Variants in ASIC5 observed in about 807,000 individuals in gnomAD.
ASIC5 encodes acid sensing ion channel subunit family member 5.
A neutral mutation model predicts 51.2 loss-of-function variants in ASIC5; 52 were observed. The ratio of observed to expected loss-of-function variants is 1.02; its 90% CI spans 0.81 to 1.28. The LOEUF (loss-of-function observed/expected upper bound fraction) is 1.28. Among genes scored for constraint, ASIC5 ranks in the 50% most tolerant of loss-of-function variants. ASIC5 has a pLI of 0.00. For synonymous variants in ASIC5, 231 were observed against 200.7 expected (o/e 1.15, Z -1.28); for missense variants, 635 against 595.0 (o/e 1.07, Z -0.70).
At chr4:155,842,740 A>G (rs903209566) in intron 5 of ASIC5, among the ~76,000 whole-genome samples, 1 of 152,152 alleles carries the variant, frequency 6.6e-6, no homozygotes, top group Admixed American at 6.6e-5. Flanking sequence ...GCCAGGCAAC[A>G]TGGTGTTGCA....
intron 2 of ASIC5, among the ~76,000 whole-genome samples, chr4:155,860,005 T>G (rs1002648815): frequency 6.6e-6 from 1 of 152,046 alleles, no homozygotes; most frequent in African/African-American, 2.4e-5. Flanking sequence ...ATTTGGCCCT[T>G]GCTTAAGACT....
At chr4:155,853,022 T>A (rs2111255619) in intron 3 of ASIC5, among the ~76,000 whole-genome samples, 1 of 152,146 alleles carries the variant, frequency 6.6e-6, no homozygotes, top group African/African-American at 2.4e-5. Flanking sequence ...TGGAGTCCGT[T>A]GGTTCAGCAT....
intron 4 of ASIC5, among the ~76,000 whole-genome samples, chr4:155,850,871 C>G (rs923168894): frequency 5.3e-5 from 8 of 151,916 alleles, no homozygotes; most frequent in Admixed American, 1.3e-4. Context: ...TAAGAGTAAA[C>G]TTCTGGTGGC....
At chr4:155,836,171 T>C (rs180775402) in intron 8 of ASIC5, among the ~76,000 whole-genome samples, 4 of 152,306 alleles carry the variant, frequency 2.6e-5, no homozygotes, top group Admixed American at 1.3e-4. Context: ...CGTGGAATCA[T>C]GTATCTGAGT....
chr4:155,863,646 A>G lies in ASIC5; in HGVS notation c.149T>C (p.Ile50Thr). 2 of 1,613,914 alleles carry G rather than the reference A, an allele frequency of 1.2e-6. No homozygotes were observed. Among genetic ancestry groups the G allele is most frequent in the Admixed American group, 1.7e-5 (1 of 59,952 alleles). Residue 50 changes from isoleucine (I) to threonine (T), a missense_variant, in exon 2 of 10, where the codon ATA becomes ACA. Physicochemically the swap from Ile to Thr is moderately conservative, Grantham distance 89 (BLOSUM62 -1). Coordinates refer to ENST00000537611, the MANE Select transcript of ASIC5 (RefSeq NM_017419.3). ...GCTCCGGTTCTGAACAATATTGTGT[A>G]TCCCATGAAAGGAAGTGGAGATGGC... is the stretch of plus-strand genomic sequence containing the variant. Reference protein sequence around the residue: ...DFAISTSFHGIHNIVQNRSKI... With the variant: ...DFAISTSFHGTHNIVQNRSKI...
Position 155,865,710 on chromosome 4 carries a change from G to A in ASIC5, c.40+477C>T, listed in dbSNP as rs1049439209. Among the ~76,000 whole-genome samples, 7 of 151,934 alleles carry A rather than the reference G, an allele frequency of 4.6e-5. No individual in the cohort carries two copies. In the South Asian group the frequency reaches 1.5e-3, roughly 32 times the overall value. On this transcript the variant is annotated intron_variant, in intron 1 of 9. Coordinates refer to ENST00000537611, the MANE Select transcript of ASIC5 (RefSeq NM_017419.3). ...TTTTTTATTATTGTTTTAGGTAAAT[G>A]TATGACTGTCAGGAAGATTAAAATT...
At chr4:155,838,635 G>T (rs376666833) in intron 7 of ASIC5, among the ~76,000 whole-genome samples, 178 bp downstream of exon 7, 82 of 152,150 alleles carry the variant, frequency 5.4e-4, no homozygotes, top group African/African-American at 1.7e-3. Flanking sequence ...GAGGGTTTTT[G>T]TTTGTGTATA....
intron 7 of ASIC5, among the ~76,000 whole-genome samples, chr4:155,838,435 A>C (rs1228215501): frequency 6.6e-6 from 1 of 152,186 alleles, no homozygotes; most frequent in Non-Finnish European, 1.5e-5. Context: ...ATGAAGGACT[A>C]TTCCCAATCA....
At chr4:155,858,934 C>T (rs1250182192) in intron 2 of ASIC5, 1 of 151,972 alleles carries the variant, frequency 6.6e-6, no homozygotes, top group Non-Finnish European at 1.5e-5. Context: ...CTATATTTGT[C>T]CTGTACCTGT....
At chr4:155,844,280 G>T (rs1332254385) in intron 4 of ASIC5, among the ~76,000 whole-genome samples, 1 of 151,840 alleles carries the variant, frequency 6.6e-6, no homozygotes, top group Non-Finnish European at 1.5e-5. Flanking sequence ...TTTTCATTTG[G>T]GGGTCTGAGG....
At chr4:155,850,079 C>T (rs1005521885) in intron 4 of ASIC5, among the ~76,000 whole-genome samples, 10 of 151,840 alleles carry the variant, frequency 6.6e-5, no homozygotes, top group Non-Finnish European at 1.0e-4. Context: ...ACCAGAGACT[C>T]ATATTCTCCT....
At chr4:155,864,520 A>C (rs2110781753) in intron 1 of ASIC5, 1 of 152,258 alleles carries the variant, frequency 6.6e-6, no homozygotes, top group Non-Finnish European at 1.5e-5. Flanking sequence ...AGAAGAGGCA[A>C]TGAATCCCTT....
intron 2 of ASIC5, among the ~76,000 whole-genome samples, chr4:155,857,990 C>A (rs1314237083): frequency 6.6e-6 from 1 of 151,908 alleles, no homozygotes; most frequent in Non-Finnish European, 1.5e-5. Flanking sequence ...CATGAAGACC[C>A]AATATACGAG....
chr4:155,863,826 A>G (rs981617851), intron 1 of ASIC5, 72 bp from the exon 2 acceptor site: 66 of 1,211,310 alleles, frequency 5.4e-5, no homozygotes, highest in Non-Finnish European at 7.2e-5. Flanking sequence ...TCCGTAAAAA[A>G]ACACAACTCA....
chr4:155,853,907 C>A (rs1741453435), intron 3 of ASIC5, among the ~76,000 whole-genome samples, 170 bp downstream of exon 3: 1 of 151,946 alleles, frequency 6.6e-6, no homozygotes, highest in Non-Finnish European at 1.5e-5. Flanking sequence ...AAATTTGTCT[C>A]ATGTGTATTC....
intron 2 of ASIC5, among the ~76,000 whole-genome samples, chr4:155,860,273 A>C (rs1741666795): frequency 6.6e-6 from 1 of 151,910 alleles, no homozygotes; most frequent in Admixed American, 6.6e-5. Flanking sequence ...TGTTTGTGAT[A>C]ATATAATTTG....
At position 155,829,908 on chromosome 4, in the gene ASIC5, G is replaced by A; in HGVS notation, c.1466C>T (p.Thr489Ile). ...TCCCAGATGATTCTGAGGTGGAGGA[G>A]TCCACTGGGTCATTTCAGATATCTT... ...LLKISEMTQW[T>I]PPPQNHLGNK... is the part of the protein sequence containing the mutation. The change falls in exon 10 of 10, where the codon ACT becomes ATT. Residue 489 changes from threonine (T) to isoleucine (I), a missense_variant. Transcript: ENST00000537611. The A allele has an allele frequency of 6.2e-7, 1 of 1,604,306 alleles. No individual in the cohort carries two copies. The highest frequency in any genetic ancestry group is 8.5e-7 in the Non-Finnish European group (1 of 1,176,360).
intron 2 of ASIC5, among the ~76,000 whole-genome samples, chr4:155,857,027 T>C (rs1579297577): frequency 1.3e-5 from 2 of 152,110 alleles, no homozygotes; most frequent in South Asian, 4.1e-4. Context: ...TTAAATTTAA[T>C]AAATAAAGCC....
At chr4:155,863,986 A>G (rs1254949628) in intron 1 of ASIC5, among the ~76,000 whole-genome samples, 2 of 152,188 alleles carry the variant, frequency 1.3e-5, no homozygotes, top group African/African-American at 4.8e-5. Flanking sequence ...TAGAACGGCT[A>G]TTATTAATGT....
Sources: allele counts gnomAD v4.1 joint callset (sites outside exome capture counted in the v4.1 genomes callset), GRCh38; gene constraint gnomAD v4.1.1; transcripts MANE v1.5; gene names NCBI Gene and HGNC (gene_info 2026-07-23, HGNC 2026-07-21).